Variants in KDM4C observed in about 807,000 individuals in gnomAD.
KDM4C encodes lysine-specific demethylase 4C.
In KDM4C, 81 loss-of-function variants were observed where a neutral mutation model predicts 129.3. The ratio of observed to expected loss-of-function variants is 0.63; its 90% confidence interval spans 0.52 to 0.75. KDM4C has a LOEUF of 0.75. Among genes scored for constraint, KDM4C ranks in the 30% least tolerant of loss-of-function variants. The pLI, the probability that KDM4C is intolerant of heterozygous loss-of-function variation, is 0.00. For missense variants in KDM4C, 1,457 were observed against 1,304.0 expected (o/e 1.12, Z -1.81); for synonymous variants, 573 against 456.1 (o/e 1.26, Z -3.26).
chr9:6,811,707 C>G (rs991314319), intron 3 of KDM4C, among the ~76,000 whole-genome samples: 8 of 152,132 alleles, frequency 5.3e-5, no homozygotes, highest in African/African-American at 9.7e-5. Context: ...GTTTTTATCC[C>G]TATTTTTTAG....
chr9:6,807,759 C>T (rs1415161582), intron 3 of KDM4C, among the ~76,000 whole-genome samples: 3 of 144,018 alleles, frequency 2.1e-5, no homozygotes, highest in African/African-American at 5.3e-5. Flanking sequence ...GGAGCGTCTC[C>T]GCCCGGCAGC....
chr9:7,109,934 A>T (rs1319436195), intron 18 of KDM4C, among the ~76,000 whole-genome samples: 1 of 152,162 alleles, frequency 6.6e-6, no homozygotes, highest in Non-Finnish European at 1.5e-5. Context: ...TGATGGCTTT[A>T]TAAAGGGCTT....
At chr9:6,743,384 T>A (rs1437849878) in intron 1 of KDM4C, among the ~76,000 whole-genome samples, 2 of 152,204 alleles carry the variant, frequency 1.3e-5, no homozygotes, top group African/African-American at 4.8e-5. Flanking sequence ...TTTCATTTAC[T>A]GAGTTAATGA....
At chr9:7,081,443 T>C (rs532865505) in intron 17 of KDM4C, among the ~76,000 whole-genome samples, 3 of 152,292 alleles carry the variant, frequency 2.0e-5, no homozygotes, top group African/African-American at 7.2e-5. Flanking sequence ...CCATCCAGCA[T>C]ACCAAACTCA....
At chr9:6,804,679 A>C (rs565497709) in intron 2 of KDM4C, among the ~76,000 whole-genome samples, 1 of 149,598 alleles carries the variant, frequency 6.7e-6, no homozygotes, top group Non-Finnish European at 1.5e-5. Context: ...AATCGCTTGA[A>C]CCCAGGGAAG....
rs1837385915 is a variant in KDM4C, at chr9:7,103,874, A to G, written c.2610+4A>G. 2 of 1,613,312 alleles carry G rather than the reference A, an allele frequency of 1.2e-6. No individual in the cohort carries two copies. The highest frequency in any genetic ancestry group is 1.7e-6 in the Non-Finnish European group (2 of 1,179,390). ...ACATAAGGTCAACCCCAACGTGGTA[A>G]GATGTGCCCTCCCTTCCTCAGTGCT... On this transcript the variant is annotated splice_donor_region_variant and intron_variant, in intron 18 of 21. Coordinates refer to ENST00000381309, the MANE Select transcript of KDM4C (RefSeq NM_015061.6).
At chr9:7,160,889 C>G (rs186214420) in intron 19 of KDM4C, among the ~76,000 whole-genome samples, 2 of 152,328 alleles carry the variant, frequency 1.3e-5, no homozygotes, top group East Asian at 3.9e-4. Context: ...AAGTTTAAGT[C>G]TGCAGAAGTT....
chr9:6,769,967 G>C (rs552561119), intron 1 of KDM4C, among the ~76,000 whole-genome samples: 16 of 152,232 alleles, frequency 1.1e-4, no homozygotes, highest in African/African-American at 3.9e-4. Context: ...GATCACCTGA[G>C]GTCAGGAGTT....
chr9:7,061,248 C>G (rs1203571544), intron 17 of KDM4C, among the ~76,000 whole-genome samples: 4 of 152,128 alleles, frequency 2.6e-5, no homozygotes, highest in African/African-American at 9.7e-5. Context: ...TTTGTAAACA[C>G]AATTTATTCA....
At chr9:6,771,539 G>C (rs1821844205) in intron 1 of KDM4C, among the ~76,000 whole-genome samples, 1 of 151,242 alleles carries the variant, frequency 6.6e-6, no homozygotes, top group East Asian at 2.0e-4. Flanking sequence ...TCGAACTCCT[G>C]ACCTCAGGTT....
intron 6 of KDM4C, among the ~76,000 whole-genome samples, chr9:6,884,630 T>C (rs989807547): frequency 2.1e-4 from 32 of 152,220 alleles, no homozygotes; most frequent in Non-Finnish European, 3.8e-4. Flanking sequence ...ACATGTTTGA[T>C]TTTCTTTCCT....
chr9:7,059,651 G>C (rs537156169), intron 17 of KDM4C, among the ~76,000 whole-genome samples: 3 of 152,272 alleles, frequency 2.0e-5, no homozygotes, highest in Non-Finnish European at 4.4e-5. Flanking sequence ...AAACCACATA[G>C]TCTTCATATA....
At chr9:6,767,963 C>G (rs1820973912) in intron 1 of KDM4C, among the ~76,000 whole-genome samples, 1 of 150,868 alleles carries the variant, frequency 6.6e-6, no homozygotes, top group Non-Finnish European at 1.5e-5. Context: ...CATAATATTT[C>G]TTTTAGTATT....
intron 11 of KDM4C, 47 bp from the exon 12 acceptor site, chr9:6,990,369 T>C: frequency 8.1e-7 from 1 of 1,236,584 alleles, no homozygotes; most frequent in Non-Finnish European, 1.2e-6. Context: ...TTTTTGTAGT[T>C]TGTTTTTGAT....
At position 7,015,912 on chromosome 9, in the gene KDM4C, A is replaced by G; in HGVS notation, c.2242A>G (p.Arg748Gly). 6.2e-7 allele frequency: 1 copy of G among 1,612,472 alleles called. No individual in the cohort carries two copies. The highest frequency in any genetic ancestry group is 8.5e-7 in the Non-Finnish European group (1 of 1,178,796). ...TGGATGGCTGTGTGCCCGGTGCAAA[A>G]GAAATGCGTGGACAGCAGTAAGTAG... Reference protein sequence around the residue: ...CDGWLCARCKRNAWTAECCLC... With the variant: ...CDGWLCARCKGNAWTAECCLC... The change falls in exon 15 of 22, where the codon AGA becomes GGA. Residue 748 changes from arginine (R) to glycine (G), a missense_variant. Physicochemically the swap from Arg to Gly is moderately radical, Grantham distance 125. Coordinates refer to ENST00000381309, the MANE Select transcript of KDM4C (RefSeq NM_015061.6).
chr9:6,757,746 C>G (rs1453637722), upstream of KDM4C: 5 of 985,534 alleles, frequency 5.1e-6, no homozygotes, highest in Admixed American at 6.1e-5. Flanking sequence ...TTCTGTGCAC[C>G]TGTTTTCTCC....
upstream of KDM4C, among the ~76,000 whole-genome samples, chr9:6,756,228 G>T (rs1043805625): frequency 6.6e-6 from 1 of 152,134 alleles, no homozygotes; most frequent in Non-Finnish European, 1.5e-5. Context: ...CCTATTCATT[G>T]AATTATTATA....
At chr9:6,963,191 TA>T (rs1830316597) in intron 8 of KDM4C, among the ~76,000 whole-genome samples, 1 of 152,226 alleles carries the variant, frequency 6.6e-6, no homozygotes, top group African/African-American at 2.4e-5. Flanking sequence ...TAGTAAACTG[TA>T]AAGTGATTAA....
intron 6 of KDM4C, among the ~76,000 whole-genome samples, chr9:6,884,086 A>G (rs1480322115): frequency 1.3e-5 from 2 of 152,174 alleles, no homozygotes; most frequent in African/African-American, 2.4e-5. Context: ...GAGAAGCGCC[A>G]TTCTCCATTC....
Sources: gnomAD v4.1 joint callset for allele counts (sites outside exome capture counted in the v4.1 genomes callset) on GRCh38, gnomAD v4.1.1 for gene constraint, MANE v1.5 for transcripts, NCBI Gene and HGNC (gene_info 2026-07-23, HGNC 2026-07-21) for gene names.